The following PRR5L variants were observed in gnomAD, a reference collection of about 807,000 sequenced individuals.
The protein encoded by PRR5L is proline-rich protein 5-like.
In PRR5L, 21 loss-of-function variants were observed where a neutral mutation model predicts 36.4. The observed-to-expected ratio is 0.58, with a 90% CI of 0.41 to 0.83. The LOEUF (loss-of-function observed/expected upper bound fraction) is 0.83. Ranked by LOEUF, PRR5L falls within the 40% of genes least tolerant of loss-of-function variation. PRR5L has a pLI of 0.00. For synonymous variants in PRR5L, 188 were observed against 197.0 expected, an observed-to-expected ratio of 0.95 and a Z score of 0.38; for missense variants, 381 against 473.3, an observed-to-expected ratio of 0.80 and a Z score of 1.81.
At chr11:36,432,297 C>T (rs192978197) in intron 5 of PRR5L, among the ~76,000 whole-genome samples, 8 of 152,166 alleles carry the variant, frequency 5.3e-5, no homozygotes, top group Non-Finnish European at 8.8e-5. Context: ...TCCTACAGGC[C>T]TTTGTAATAT....
At chr11:36,457,363 T>G (rs191020663) in intron 8 of PRR5L, among the ~76,000 whole-genome samples, 1 of 152,216 alleles carries the variant, frequency 6.6e-6, no homozygotes, top group African/African-American at 2.4e-5. Flanking sequence ...TCCCAGCACT[T>G]TGGGAGGCCA....
chr11:36,328,090 T>A (rs1198810401), intron 1 of PRR5L, among the ~76,000 whole-genome samples: 2 of 152,206 alleles, frequency 1.3e-5, no homozygotes, highest in Non-Finnish European at 1.5e-5. Context: ...AAAGACAGAT[T>A]AGCAATATTC....
chr11:36,435,954 G>A (rs546945923), intron 5 of PRR5L, among the ~76,000 whole-genome samples: 2 of 152,314 alleles, frequency 1.3e-5, no homozygotes, highest in East Asian at 1.9e-4. Flanking sequence ...TCCCAATCCC[G>A]TTCCAGTGAC....
In PRR5L at chr11:36,344,274, A is replaced by T. The variant is rs1036957902; in HGVS notation, c.-126+47836A>T. On this transcript the variant is annotated intron_variant, in intron 1 of 8. Coordinates refer to ENST00000530639, the MANE Select transcript of PRR5L (RefSeq NM_001160167.2). The surrounding 1 kb of genome is among the most constrained non-coding windows in gnomAD (Gnocchi z 4.1). Reference sequence around the variant, plus strand: ...AATCAGAAAATATATAAATGTATGAAATAGTCTAATTCCACTACTCACAGA... The same window carrying T: ...AATCAGAAAATATATAAATGTATGATATAGTCTAATTCCACTACTCACAGA... Among the ~76,000 whole-genome samples the T allele has an allele frequency of 8.3e-4, 127 of 152,228 alleles. No individual in the cohort carries two copies. The highest frequency in any genetic ancestry group is 3.0e-3 in the African/African-American group (126 of 41,456).
At chr11:36,350,228 G>T (rs12099418) in intron 1 of PRR5L, among the ~76,000 whole-genome samples, 15,998 of 146,528 alleles carry the variant, frequency 0.11, 931 homozygotes, top group Non-Finnish European at 0.12. Context: ...GGTGTGTGTG[G>T]GGGGTATAAG....
intron 1 of PRR5L, among the ~76,000 whole-genome samples, chr11:36,350,895 T>G (rs1465867805): frequency 1.5e-5 from 2 of 136,762 alleles, no homozygotes; most frequent in South Asian, 4.3e-4. Flanking sequence ...CTGAGTAGTA[T>G]TCCATGGTAA....
chr11:36,302,735 T>G (rs1217234293), intron 1 of PRR5L, among the ~76,000 whole-genome samples: 3 of 151,960 alleles, frequency 2.0e-5, no homozygotes, highest in Non-Finnish European at 2.9e-5. Context: ...TGCAGTTAGG[T>G]GGAGGTTGCA....
intron 1 of PRR5L, among the ~76,000 whole-genome samples, chr11:36,304,202 A>G (rs1436811420): frequency 6.6e-6 from 1 of 152,172 alleles, no homozygotes; most frequent in Non-Finnish European, 1.5e-5. Context: ...TAACTACTAC[A>G]TGAATTCATG....
chr11:36,330,269 A>G (rs1258551235), intron 1 of PRR5L, among the ~76,000 whole-genome samples: 1 of 152,240 alleles, frequency 6.6e-6, no homozygotes, highest in East Asian at 1.9e-4. Flanking sequence ...TTATATCCCC[A>G]GAAAATAGAA....
intron 8 of PRR5L, among the ~76,000 whole-genome samples, chr11:36,459,247 G>T (rs960504596): frequency 6.6e-6 from 1 of 152,194 alleles, no homozygotes; most frequent in Non-Finnish European, 1.5e-5. Context: ...CTCAAGAGGA[G>T]CATGAGTTGG....
At chr11:36,382,650 G>T (rs564633425) in intron 1 of PRR5L, among the ~76,000 whole-genome samples, 10 of 152,176 alleles carry the variant, frequency 6.6e-5, no homozygotes, top group Non-Finnish European at 1.3e-4. Flanking sequence ...TGATGGTTTT[G>T]GCGGATAATT....
intron 1 of PRR5L, among the ~76,000 whole-genome samples, chr11:36,306,409 T>A (rs137873058): frequency 0.033 from 5,008 of 152,326 alleles, 101 homozygotes; most frequent in Non-Finnish European, 0.042. Flanking sequence ...GCAAAGGACA[T>A]GAACTCATCC....
Position 36,462,735 on chromosome 11 carries a change from G to A in PRR5L, c.1106G>A (p.Ter369=). The A allele has an allele frequency of 6.5e-7, 1 of 1,541,480 alleles. No homozygotes were observed. ...GSELNCASLS[*] ...GAGCTGAACTGTGCTTCCCTCAGCT[G>A]AGTCGCCACCCCTGGGCCTTTCCAT... The change falls in exon 9 of 9, where the codon TGA becomes TAA. Residue 369 remains the stop codon, a stop_retained_variant. Transcript: ENST00000530639.
chr11:36,348,722 A>T (rs1396500052), intron 1 of PRR5L, among the ~76,000 whole-genome samples: 1 of 152,220 alleles, frequency 6.6e-6, no homozygotes, highest in Non-Finnish European at 1.5e-5. Flanking sequence ...AAGTTCAAGC[A>T]GATTGCTGTG....
intron 1 of PRR5L, among the ~76,000 whole-genome samples, chr11:36,317,520 A>G (rs1856569833): frequency 6.6e-6 from 1 of 152,220 alleles, no homozygotes; most frequent in Non-Finnish European, 1.5e-5. Context: ...CTTTTCCTAC[A>G]GACTTTAAAT....
At chr11:36,403,888 C>T (rs1564938093) in intron 3 of PRR5L, among the ~76,000 whole-genome samples, 2 of 152,188 alleles carry the variant, frequency 1.3e-5, no homozygotes, top group East Asian at 1.9e-4. Flanking sequence ...AATCATTAGT[C>T]AACTAGCCAC....
At chr11:36,440,082 T>C (rs1302160794) in intron 6 of PRR5L, among the ~76,000 whole-genome samples, 5 of 152,182 alleles carry the variant, frequency 3.3e-5, no homozygotes, top group Admixed American at 3.3e-4. Context: ...AAGCAATGAT[T>C]AACTTGTTTA....
chr11:36,439,963 T>G (rs1452185954), intron 6 of PRR5L, among the ~76,000 whole-genome samples: 2 of 152,124 alleles, frequency 1.3e-5, no homozygotes, highest in East Asian at 3.9e-4. Context: ...GAAAAGTGAA[T>G]TCTGGATTAG....
intron 1 of PRR5L, among the ~76,000 whole-genome samples, chr11:36,399,417 C>T (rs537747173): frequency 2.6e-5 from 4 of 152,330 alleles, no homozygotes; most frequent in South Asian, 2.1e-4. Context: ...CGTGCCCTCT[C>T]GATGGCTTGC....
Sources: gnomAD v4.1 joint callset for allele counts (sites outside exome capture counted in the v4.1 genomes callset) on GRCh38, gnomAD v4.1.1 for gene constraint, Gnocchi (gnomAD v3.1) non-coding constraint, MANE v1.5 for transcripts, NCBI Gene and HGNC (gene_info 2026-07-23, HGNC 2026-07-21) for gene names.